ZNF330: variants seen among roughly 807,000 people sequenced by gnomAD.
The protein encoded by ZNF330 is nucleolar atypical zinc finger.
In ZNF330, 31 loss-of-function variants were observed where a neutral mutation model predicts 45.5. The observed-to-expected ratio is 0.68, with a 90% CI of 0.51 to 0.92. ZNF330 has a LOEUF of 0.92. Ranked by LOEUF, ZNF330 falls within the 40% of genes least tolerant of loss-of-function variation. The pLI is 0.00. For synonymous variants in ZNF330, 138 were observed against 123.2 expected (o/e 1.12, Z -0.79); for missense variants, 356 against 387.4 (o/e 0.92, Z 0.68).
chr4:141,233,786 T>C lies in ZNF330; in HGVS notation c.760T>C (p.Trp254Arg). 6.2e-7 allele frequency: 1 copy of C among 1,613,678 alleles called. No individual in the cohort carries two copies. Among genetic ancestry groups the C allele is most frequent in the Non-Finnish European group, 8.5e-7 (1 of 1,179,752 alleles). ...TGGAGCTTCTGGGTATGATGCTTAT[T>C]GGAAGAACCTTTCATCTGATAAGTA... ...GDGASGYDAYWKNLSSDKYGD... is the reference protein window; with the variant it reads ...GDGASGYDAYRKNLSSDKYGD... The change falls in exon 10 of 10, where the codon TGG (tryptophan) becomes CGG (arginine). Residue 254 changes from tryptophan (W) to arginine (R), a missense_variant. Transcript: ENST00000262990.
intron 8 of ZNF330, among the ~76,000 whole-genome samples, chr4:141,232,129 C>T (rs1044765669): frequency 2.6e-5 from 4 of 152,020 alleles, no homozygotes; most frequent in African/African-American, 9.7e-5. Flanking sequence ...GCTTTAGTGC[C>T]CTTCCCTCTG....
intron 7 of ZNF330, among the ~76,000 whole-genome samples, chr4:141,231,124 A>G (rs1728942686): frequency 6.6e-6 from 1 of 152,130 alleles, no homozygotes; most frequent in Admixed American, 6.6e-5. Context: ...CTACACACAC[A>G]TAGACACACA....
At position 141,222,326 on chromosome 4, in the gene ZNF330, C is replaced by A. The variant is rs749142206; in HGVS notation, c.-6-40C>A. ...AGTTTATTAAAATAGTAAATGCAGT[C>A]AGTCAATTATATCTTTTCTGTTCTC... On this transcript the variant is annotated intron_variant, in intron 1 of 9. Coordinates refer to ENST00000262990, the MANE Select transcript of ZNF330 (RefSeq NM_014487.6). 3.8e-6 allele frequency: 6 copies of A among 1,592,112 alleles called. No homozygotes were observed. The African/African-American group carries it at 6.8e-5, about 18-fold the overall frequency.
Position 141,233,876 on chromosome 4 carries a change from G to T in ZNF330, c.850G>T (p.Glu284Ter). The change falls in exon 10 of 10, where the codon GAA (glutamate) becomes TAA (stop). Residue 284 changes from glutamate (E) to a stop codon, truncating the protein, a stop_gained. Transcript: ENST00000262990. LOFTEE classifies it high-confidence loss of function. Reference protein sequence around the residue: ...EYEAEDDEEEEDEGRKDSDTE... With the variant: ...EYEAEDDEEE ...TGAAGCAGAGGATGATGAAGAGGAA[G>T]AAGATGAAGGCAGAAAGGATTCAGA... 6.2e-7 allele frequency: 1 copy of T among 1,613,732 alleles called. No individual in the cohort carries two copies. Among genetic ancestry groups the T allele is most frequent in the Non-Finnish European group, 8.5e-7 (1 of 1,179,780 alleles).
chr4:141,233,922 T>C lies in ZNF330; in HGVS notation c.896T>C (p.Phe299Ser). Residue 299 changes from phenylalanine (F) to serine (S), a missense_variant, in exon 10 of 10, where the codon TTT becomes TCT. Phe to Ser is a radical substitution (Grantham distance 155, BLOSUM62 -2). Coordinates refer to ENST00000262990, the MANE Select transcript of ZNF330 (RefSeq NM_014487.6). ...KDSDTESSDL[F>S]TNLNLGRTYA... is the part of the protein sequence containing the mutation. ...TCAGATACTGAGTCATCAGATTTGT[T>C]TACTAATTTGAATTTAGGAAGGACC... is the stretch of plus-strand genomic sequence containing the variant. The C allele has an allele frequency of 6.2e-7, 1 of 1,613,746 alleles. No individual in the cohort carries two copies. The highest frequency in any genetic ancestry group is 8.5e-7 in the Non-Finnish European group (1 of 1,179,760).
rs908627017 is a variant in ZNF330, at chr4:141,234,105, T to G, written c.*116T>G. On this transcript the variant is annotated 3_prime_UTR_variant, in exon 10 of 10. Transcript: ENST00000262990. ...CACTTAGCCTTGTGCAGAAGACTAG[T>G]TACACTTAATGGGCCAAGCAATAGG... 152 of 1,470,598 alleles carry G rather than the reference T, an allele frequency of 1.0e-4. No homozygotes were observed. Among genetic ancestry groups the G allele is most frequent in the Non-Finnish European group, 1.3e-4 (149 of 1,117,568 alleles). The allele number at this position is 1,470,598 out of a possible 1,614,324, so 91.1% of individuals were successfully genotyped here.
chr4:141,230,810 T>G (rs1248620684), intron 7 of ZNF330, among the ~76,000 whole-genome samples: 2 of 152,098 alleles, frequency 1.3e-5, no homozygotes, highest in East Asian at 3.9e-4. Context: ...TACACAAAAT[T>G]CTCACGTATT....
At chr4:141,224,144 G>A (rs1168940942) in intron 2 of ZNF330, 6 of 333,326 alleles carry the variant, frequency 1.8e-5, no homozygotes, top group East Asian at 6.6e-5. Context: ...TGTGCTTAAC[G>A]TTTCATAAGG....
Position 141,224,488 on chromosome 4 carries a change from A to C in ZNF330, c.122A>C (p.Glu41Ala), listed in dbSNP as rs1728753704. ...LAKHPCNASM[E>A]CDKCQRRQKN... ...ATGTGATATTTTTATATGTTACAGGAATGTGACAAGTGTCAGAGGTAAATT... is the reference window on the plus strand; with the variant it reads ...ATGTGATATTTTTATATGTTACAGGCATGTGACAAGTGTCAGAGGTAAATT... Residue 41 changes from glutamate (E) to alanine (A), a missense_variant and splice_region_variant, in exon 3 of 10, where the codon GAA becomes GCA. Coordinates refer to ENST00000262990, the MANE Select transcript of ZNF330 (RefSeq NM_014487.6). 6.2e-7 allele frequency: 1 copy of C among 1,606,760 alleles called. No homozygotes were observed. The highest frequency in any genetic ancestry group is 1.7e-5 in the Admixed American group (1 of 59,748).
chr4:141,230,106 T>C, intron 6 of ZNF330, 60 bp from the exon 7 acceptor site: 1 of 1,194,040 alleles, frequency 8.4e-7, no homozygotes, highest in Non-Finnish European at 1.2e-6. Context: ...GTATTATAGA[T>C]ATGAGTTTTT....
chr4:141,233,358 A>G (rs1729004092), intron 9 of ZNF330, among the ~76,000 whole-genome samples: 1 of 152,126 alleles, frequency 6.6e-6, no homozygotes, highest in Admixed American at 6.6e-5. Flanking sequence ...CTGCATTGTA[A>G]AATAGCTGTC....
chr4:141,226,807 A>C lies in ZNF330; in HGVS notation c.252A>C (p.Ile84=), dbSNP rs1728815141. 6.2e-7 allele frequency: 1 copy of C among 1,613,132 alleles called. No individual in the cohort carries two copies. Among genetic ancestry groups the C allele is most frequent in the Non-Finnish European group, 8.5e-7 (1 of 1,179,388 alleles). Residue 84 remains isoleucine, a synonymous_variant, in exon 5 of 10, where the codon ATA becomes ATC. Coordinates refer to ENST00000262990, the MANE Select transcript of ZNF330 (RefSeq NM_014487.6). The stretch of plus-strand genomic sequence containing the variant: ...TGATGAAGTCTTCAGACTGTGTCAT[A>C]AAGCATGCTGGTGTATACAGTACTG... ...KCMMKSSDCV[I]KHAGVYSTGL... is the part of the protein sequence containing the mutation.
chr4:141,231,336 A>G (rs371667211), intron 7 of ZNF330, 103 bp from the exon 8 acceptor site: 2 of 958,258 alleles, frequency 2.1e-6, no homozygotes, highest in Non-Finnish European at 3.1e-6. Context: ...GCAGCTGTCT[A>G]TAAGGCTATA....
chr4:141,221,388 A>G lies in ZNF330; in HGVS notation c.-7+280A>G, dbSNP rs534484813. 5.3e-4 allele frequency among the ~76,000 whole-genome samples: 81 copies of G among 151,552 alleles called. 1 individual carries two copies. In the East Asian group the frequency reaches 0.011, roughly 21 times the overall value. On this transcript the variant is annotated intron_variant, in intron 1 of 9. Coordinates refer to ENST00000262990, the MANE Select transcript of ZNF330 (RefSeq NM_014487.6). ...TGAGCGTGCAGAACAAACTGGAGGG[A>G]AAAAAAAATGAGATTTAACTTTATC...
Position 141,230,200 on chromosome 4 carries a change from C to T in ZNF330, c.453C>T (p.Asn151=). 2 of 1,610,998 alleles carry T rather than the reference C, an allele frequency of 1.2e-6. No individual in the cohort carries two copies. Among genetic ancestry groups the T allele is most frequent in the South Asian group, 2.2e-5 (2 of 90,582 alleles). The stretch of plus-strand genomic sequence containing the variant: ...TATTCAGTTGTTCTTTTTGCCATAA[C>T]TTTCTCTGTGAAGATGATCAATTTG... The part of the protein sequence containing the change: ...GRIFSCSFCH[N]FLCEDDQFEH... Residue 151 remains asparagine, a synonymous_variant, in exon 7 of 10, where the codon AAC becomes AAT. Transcript: ENST00000262990.
Position 141,234,032 on chromosome 4 carries a change from G to C in ZNF330, c.*43G>C. 1.9e-6 allele frequency: 3 copies of C among 1,570,318 alleles called. No individual in the cohort carries two copies. Among genetic ancestry groups the C allele is most frequent in the Non-Finnish European group, 2.6e-6 (3 of 1,159,924 alleles). On this transcript the variant is annotated 3_prime_UTR_variant, in exon 10 of 10. Transcript: ENST00000262990. Reference sequence around the variant, plus strand: ...CCGTGTGTGAGAGGAGCAGGAGTGAGTGTGTGTGCTTGATGAATTGTGTGT... The same window carrying C: ...CCGTGTGTGAGAGGAGCAGGAGTGACTGTGTGTGCTTGATGAATTGTGTGT...
In ZNF330 at chr4:141,222,499, CT is replaced by C. The variant is rs759552563; in HGVS notation, c.120+15del. 2.5e-5 allele frequency: 40 copies of C among 1,605,692 alleles called. No homozygotes were observed. The highest frequency in any genetic ancestry group is 3.1e-5 in the Non-Finnish European group (36 of 1,177,082). ...CCATGTAATGCCTCAATGGTATCAG[CT>C]TTTTTTGATATCAGTTGGTAGTTGG... On this transcript the variant is annotated intron_variant, in intron 2 of 9. Coordinates refer to ENST00000262990, the MANE Select transcript of ZNF330 (RefSeq NM_014487.6).
At chr4:141,224,245 A>G (rs1728748006) in intron 2 of ZNF330, among the ~76,000 whole-genome samples, 1 of 152,160 alleles carries the variant, frequency 6.6e-6, no homozygotes, top group South Asian at 2.1e-4. Context: ...GAAACTACCA[A>G]TGTATTTAGC....
intron 8 of ZNF330, 47 bp downstream of exon 8, chr4:141,231,532 A>G (rs114880185): frequency 0.029 from 41,560 of 1,438,000 alleles, 880 homozygotes; most frequent in Non-Finnish European, 0.031. Flanking sequence ...TTTAATCTCT[A>G]TACCCCTCCA....
Sources: allele counts gnomAD v4.1 joint callset (sites outside exome capture counted in the v4.1 genomes callset), GRCh38; gene constraint gnomAD v4.1.1; transcripts MANE v1.5; gene names NCBI Gene and HGNC (gene_info 2026-07-23, HGNC 2026-07-21).